The following ATP1A2 variants were observed in gnomAD, a reference collection of about 807,000 sequenced individuals.
The protein encoded by ATP1A2 is sodium/potassium-transporting ATPase subunit alpha-2.
Under a neutral mutation model 113.1 loss-of-function variants are expected in ATP1A2, and 56 were observed. That is an observed-to-expected ratio of 0.49 (90% CI 0.40 to 0.62). The LOEUF (loss-of-function observed/expected upper bound fraction) is 0.62. Among genes scored for constraint, ATP1A2 ranks in the 20% least tolerant of loss-of-function variants. The probability of loss-of-function intolerance (pLI) is 0.00; values close to 1 mark genes in which losing one functional copy is unlikely to be tolerated. For synonymous variants in ATP1A2, 490 were observed against 526.8 expected, an observed-to-expected ratio of 0.93 and a Z score of 0.96; for missense variants, 712 against 1,357.8, an observed-to-expected ratio of 0.52 and a Z score of 7.47.
intron 14 of ATP1A2, 77 bp downstream of exon 14, chr1:160,134,697 G>A (rs1558008233): frequency 1.2e-6 from 2 of 1,605,956 alleles, no homozygotes; most frequent in South Asian, 2.2e-5. Flanking sequence ...TCCCCTGGGA[G>A]TATTTGGATA....
At chr1:160,141,055 G>C (rs1652132629) in intron 22 of ATP1A2, among the ~76,000 whole-genome samples, 1 of 151,742 alleles carries the variant, frequency 6.6e-6, no homozygotes, top group African/African-American at 2.4e-5. Context: ...GTACAGACAG[G>C]GTTTCACTGG....
chr1:160,136,829 G>T (rs1651968981), intron 19 of ATP1A2, 72 bp from the exon 20 acceptor site: 1 of 1,614,052 alleles, frequency 6.2e-7, no homozygotes, highest in Non-Finnish European at 8.5e-7. Flanking sequence ...TGGATCAGGA[G>T]AAACCATGCT....
rs981682686 is a variant in ATP1A2, at chr1:160,115,778, C to T, written c.-84C>T. The T allele has an allele frequency of 2.8e-5, 43 of 1,535,828 alleles. No individual in the cohort carries two copies. Among genetic ancestry groups the T allele is most frequent in the Non-Finnish European group, 3.4e-5 (39 of 1,130,900 alleles). ...GGCTTTCTCTGTCTGCCAGGGTCTC[C>T]GACTGTCCCAGACGGGCTGGTGTGG... is the stretch of plus-strand genomic sequence containing the variant. On this transcript the variant is annotated 5_prime_UTR_variant, in exon 1 of 23. Transcript: ENST00000361216.
In ATP1A2 at chr1:160,128,647, A is replaced by G. The variant is rs776327796; in HGVS notation, c.1018-5A>G. 7 of 1,613,816 alleles carry G rather than the reference A, an allele frequency of 4.3e-6. No individual in the cohort carries two copies. In the Admixed American group the frequency reaches 8.3e-5, roughly 19 times the overall value. On this transcript the variant is annotated splice_region_variant and splice_polypyrimidine_tract_variant and intron_variant, in intron 8 of 22. Transcript: ENST00000361216. The stretch of plus-strand genomic sequence containing the variant: ...ACCTTTTTTATTCTCCTCTTTCTCT[A>G]CCAGGTGTGCCTGACCCTGACAGCC...
chr1:160,136,749 G>A, intron 19 of ATP1A2, 34 bp downstream of exon 19: 1 of 1,614,172 alleles, frequency 6.2e-7, no homozygotes. Flanking sequence ...GCGCACATGT[G>A]TGAAGGTACG....
Position 160,136,369 on chromosome 1 carries a change from C to T in ATP1A2, c.2562C>T (p.Ile854=), listed in dbSNP as rs371086182. The T allele has an allele frequency of 3.5e-5, 57 of 1,613,892 alleles. No homozygotes were observed. Among genetic ancestry groups the T allele is most frequent in the Non-Finnish European group, 4.6e-5 (54 of 1,180,032 alleles). Residue 854 remains isoleucine, a splice_region_variant and synonymous_variant, in exon 18 of 23, where the codon ATC becomes ATT. Transcript: ENST00000361216. ...TCATCAGCATGGCCTACGGACAGATCGGTGCGCCAAGCCCCGGGCCTCGGG... is the reference window on the plus strand; with the variant it reads ...TCATCAGCATGGCCTACGGACAGATTGGTGCGCCAAGCCCCGGGCCTCGGG... ...ERLISMAYGQ[I]GMIQALGGFF...
At chr1:160,121,104 G>A in intron 2 of ATP1A2, 88 bp from the exon 3 acceptor site, 1 of 1,599,792 alleles carries the variant, frequency 6.3e-7, no homozygotes, top group Non-Finnish European at 8.6e-7. Context: ...TGTCCCCCAT[G>A]CTGCTCAACT....
chr1:160,119,438 C>T (rs1651303931), intron 1 of ATP1A2, among the ~76,000 whole-genome samples: 1 of 152,006 alleles, frequency 6.6e-6, no homozygotes, highest in Non-Finnish European at 1.5e-5. Flanking sequence ...CTGAGCAGCC[C>T]CTCTATGACA....
Position 160,141,427 on chromosome 1 carries a change from C to T in ATP1A2, c.*105C>T, listed in dbSNP as rs1268091891. ...AATAACGGGTGGCATTGGGTGGCAA[C>T]ATTTGGGGAGAGATAATGAGGCAAC... On this transcript the variant is annotated 3_prime_UTR_variant, in exon 23 of 23. Coordinates refer to ENST00000361216, the MANE Select transcript of ATP1A2 (RefSeq NM_000702.4). 3 of 1,469,174 alleles carry T rather than the reference C, an allele frequency of 2.0e-6. No homozygotes were observed. The highest frequency in any genetic ancestry group is 1.4e-5 in the African/African-American group (1 of 71,922). The allele number at this position is 1,469,174 out of a possible 1,614,324, so 91.0% of individuals were successfully genotyped here. A position where few individuals can be genotyped will look rare whatever the true frequency, so the allele number is the denominator to read the frequency against.
At chr1:160,122,432 A>AG (rs1389533819) in intron 3 of ATP1A2, among the ~76,000 whole-genome samples, 3 of 151,972 alleles carry the variant, frequency 2.0e-5, no homozygotes, top group African/African-American at 7.2e-5. Flanking sequence ...AAAAAAAAAA[A>AG]AAAGAAACGG....
Position 160,130,266 on chromosome 1 carries a change from G to A in ATP1A2, c.1626G>A (p.Leu542=). The change falls in exon 12 of 23, where the codon CTG becomes CTA. Residue 542 remains leucine, a synonymous_variant. Coordinates refer to ENST00000361216, the MANE Select transcript of ATP1A2 (RefSeq NM_000702.4). ...CCTTTCAAAATGCCTACATGGAGCTGGGGGGACTTGGGGAGCGTGTGCTGG... is the reference window on the plus strand; with the variant it reads ...CCTTTCAAAATGCCTACATGGAGCTAGGGGGACTTGGGGAGCGTGTGCTGG... ...QDAFQNAYME[L]GGLGERVLGF... The A allele has an allele frequency of 3.7e-6, 6 of 1,614,162 alleles. No homozygotes were observed. The highest frequency in any genetic ancestry group is 5.1e-6 in the Non-Finnish European group (6 of 1,180,014).
At chr1:160,139,424 T>A (rs920721852) in intron 20 of ATP1A2, among the ~76,000 whole-genome samples, 3 of 152,198 alleles carry the variant, frequency 2.0e-5, no homozygotes, top group Admixed American at 2.0e-4. Flanking sequence ...TGAATATACG[T>A]GCAATAGACA....
chr1:160,128,951 G>A (rs200130188), intron 9 of ATP1A2, 29 bp from the exon 10 acceptor site: 223 of 1,595,164 alleles, frequency 1.4e-4, no homozygotes, highest in Non-Finnish European at 1.8e-4. Context: ...AGGGAGCCAC[G>A]CTCCTGGTTC....
intron 1 of ATP1A2, among the ~76,000 whole-genome samples, chr1:160,119,624 A>G (rs993633044): frequency 3.3e-5 from 5 of 152,132 alleles, no homozygotes; most frequent in African/African-American, 1.2e-4. Flanking sequence ...CCTGTCCCCA[A>G]GAAGTTCCCT....
At chr1:160,140,139 C>T in intron 22 of ATP1A2, 155 bp downstream of exon 22, 1 of 745,780 alleles carries the variant, frequency 1.3e-6, no homozygotes, top group African/African-American at 1.7e-5. Context: ...AGCCCTGACT[C>T]TTTCGAACCT....
At position 160,136,836 on chromosome 1, in the gene ATP1A2, T is replaced by A. The variant is rs1173168416; in HGVS notation, c.2710-65T>A. 1.3e-5 allele frequency: 21 copies of A among 1,614,016 alleles called. No homozygotes were observed. In the Admixed American group the frequency reaches 3.5e-4, roughly 27 times the overall value. On this transcript the variant is annotated intron_variant, in intron 19 of 22. Transcript: ENST00000361216. ...GCTAGGGGTGGATCAGGAGAAACCA[T>A]GCTACCTTCTGGTCCTACCCTTTCC...
Position 160,134,531 on chromosome 1 carries a change from C to A in ATP1A2, c.1875C>A (p.Ala625=). The change falls in exon 14 of 23, where the codon GCC becomes GCA. Residue 625 remains alanine (A), a synonymous_variant. Coordinates refer to ENST00000361216, the MANE Select transcript of ATP1A2 (RefSeq NM_000702.4). ...GDHPITAKAI[A]KGVGIISEGN... ...ACCCTATCACAGCCAAGGCCATTGCCAAAGGCGTGGGCATCATATCAGAGG... is the reference window on the plus strand; with the variant it reads ...ACCCTATCACAGCCAAGGCCATTGCAAAAGGCGTGGGCATCATATCAGAGG... 6.2e-7 allele frequency: 1 copy of A among 1,614,188 alleles called. No individual in the cohort carries two copies.
At chr1:160,128,550 A>G in intron 8 of ATP1A2, 102 bp from the exon 9 acceptor site, 1 of 1,579,752 alleles carries the variant, frequency 6.3e-7, no homozygotes, top group Non-Finnish European at 8.6e-7. Flanking sequence ...AAGTTAGTGG[A>G]GTAGAATCAG....
At position 160,142,560 on chromosome 1, in the gene ATP1A2, CT is replaced by C. The variant is rs886045426; in HGVS notation, c.*1241del. The C allele has an allele frequency of 4.6e-5, 7 of 152,466 alleles. No individual in the cohort carries two copies. Among genetic ancestry groups the C allele is most frequent in the Admixed American group, 1.3e-4 (2 of 15,296 alleles). The allele number at this position is 152,466 out of a possible 1,614,324, so 9.4% of individuals were successfully genotyped here. On this transcript the variant is annotated 3_prime_UTR_variant, in exon 23 of 23. Coordinates refer to ENST00000361216, the MANE Select transcript of ATP1A2 (RefSeq NM_000702.4). ...GTGGCTCATGCCTGTAATCCCAGCA[CT>C]TTGGGAGGCCGAGGCAGGTGGATCA...
Sources: gnomAD v4.1 joint callset for allele counts (sites outside exome capture counted in the v4.1 genomes callset) on GRCh38, gnomAD v4.1.1 for gene constraint, MANE v1.5 for transcripts, NCBI Gene and HGNC (gene_info 2026-07-23, HGNC 2026-07-21) for gene names.